PEX11G: variants seen among roughly 807,000 people sequenced by gnomAD.
The protein encoded by PEX11G is peroxisomal biogenesis factor 11 gamma, also known as peroxisomal membrane protein 11C.
A neutral mutation model predicts 22.5 loss-of-function variants in PEX11G; 20 were observed. That is an observed-to-expected ratio of 0.89 (90% CI 0.62 to 1.29). The LOEUF (loss-of-function observed/expected upper bound fraction) is 1.29, where lower values mean the gene tolerates loss of function less well. Ranked by LOEUF, PEX11G falls within the 50% of genes most tolerant of loss-of-function variation. The pLI, the probability that PEX11G is intolerant of heterozygous loss-of-function variation, is 0.00. For missense variants in PEX11G, 347 were observed against 331.3 expected, an observed-to-expected ratio of 1.05 and a Z score of -0.37; for synonymous variants, 141 against 154.5, an observed-to-expected ratio of 0.91 and a Z score of 0.65.
chr19:7,479,194 A>C (rs1015220173), intron 3 of PEX11G, among the ~76,000 whole-genome samples: 7 of 152,182 alleles, frequency 4.6e-5, no homozygotes, highest in African/African-American at 1.4e-4. Flanking sequence ...ACAGAATCAG[A>C]AGCTCTGGGC....
chr19:7,488,945 C>A lies in PEX11G; in HGVS notation c.60+6G>T. 6.4e-7 allele frequency: 1 copy of A among 1,551,598 alleles called. No homozygotes were observed. Among genetic ancestry groups the A allele is most frequent in the Non-Finnish European group, 8.7e-7 (1 of 1,149,046 alleles). ...GACCTCCGGCCCCGGTCCGCCCCTG[C>A]CTCACCAGGCGGTCCCGGCCCCTGT... is the stretch of plus-strand genomic sequence containing the variant. On this transcript the variant is annotated splice_donor_region_variant and intron_variant, in intron 1 of 4. Transcript: ENST00000221480.
upstream of PEX11G, chr19:7,489,353 C>G: frequency 9.1e-7 from 1 of 1,095,166 alleles, no homozygotes; most frequent in Middle Eastern, 4.0e-4. Flanking sequence ...CCAACCTGTT[C>G]GCAGTGGTTC....
intron 4 of PEX11G, among the ~76,000 whole-genome samples, chr19:7,477,805 T>A (rs571898148): frequency 6.6e-6 from 1 of 152,312 alleles, no homozygotes; most frequent in South Asian, 2.1e-4. Flanking sequence ...TTTATCAGGA[T>A]GACACAGTGA....
upstream of PEX11G, among the ~76,000 whole-genome samples, chr19:7,491,274 T>A (rs1038004740): frequency 7.7e-5 from 11 of 142,662 alleles, no homozygotes; most frequent in Admixed American, 1.4e-4. Context: ...TTTTTTTTTT[T>A]TTTTTTTTTT....
intron 1 of PEX11G, among the ~76,000 whole-genome samples, chr19:7,487,045 T>TA (rs199593423): frequency 0.013 from 1,800 of 143,636 alleles, 34 homozygotes; most frequent in African/African-American, 0.044. Context: ...AGACCCTGTC[T>TA]AAAAAAAGAA....
At chr19:7,478,231 C>A (rs1295156157) in intron 4 of PEX11G, 83 bp downstream of exon 4, 6 of 1,447,826 alleles carry the variant, frequency 4.1e-6, no homozygotes, top group Non-Finnish European at 4.7e-6. Flanking sequence ...CCAGCATGGG[C>A]CTGCACAGGG....
chr19:7,478,616 G>A (rs1405566983), intron 3 of PEX11G, among the ~76,000 whole-genome samples: 2 of 152,144 alleles, frequency 1.3e-5, no homozygotes, highest in East Asian at 3.9e-4. Context: ...TGGCCATCCA[G>A]GGCCTGGCCC....
chr19:7,489,581 C>G (rs973399909), upstream of PEX11G: 55 of 848,666 alleles, frequency 6.5e-5, no homozygotes, highest in African/African-American at 8.8e-4. Context: ...TGTTGGACAA[C>G]CATCACCCCT....
At chr19:7,482,337 G>T (rs1977535489) in intron 2 of PEX11G, 126 bp from the exon 3 acceptor site, 1 of 1,125,170 alleles carries the variant, frequency 8.9e-7, no homozygotes, top group Non-Finnish European at 1.2e-6. Flanking sequence ...TCCAGGCCTG[G>T]CAGGCCCCGC....
chr19:7,483,861 G>A (rs746442166), intron 2 of PEX11G, among the ~76,000 whole-genome samples: 16 of 152,262 alleles, frequency 1.1e-4, no homozygotes, highest in Non-Finnish European at 1.9e-4. Context: ...TCATCCCGTG[G>A]GGGGCAAGAT....
chr19:7,493,898 G>C (rs1236722238), upstream of PEX11G, among the ~76,000 whole-genome samples: 4 of 149,962 alleles, frequency 2.7e-5, no homozygotes, highest in East Asian at 2.0e-4. Context: ...TCCCCCAGTG[G>C]GGGGGTCACT....
At chr19:7,482,341 G>A (rs1181294777) in intron 2 of PEX11G, 130 bp from the exon 3 acceptor site, 8 of 1,090,162 alleles carry the variant, frequency 7.3e-6, no homozygotes, top group Middle Eastern at 2.6e-4. Flanking sequence ...GGCCTGGCAG[G>A]CCCCGCGGGA....
At chr19:7,480,179 T>C (rs10426928) in intron 3 of PEX11G, among the ~76,000 whole-genome samples, 63,835 of 150,922 alleles carry the variant, frequency 0.42, 15,197 homozygotes, top group African/African-American at 0.66. Flanking sequence ...GAGGTGGGAG[T>C]ATTGTTTGAG....
At chr19:7,480,152 C>A (rs1161111418) in intron 3 of PEX11G, among the ~76,000 whole-genome samples, 1 of 151,770 alleles carries the variant, frequency 6.6e-6, no homozygotes, top group Admixed American at 6.6e-5. Context: ...CCTGTGGTCC[C>A]AGCCACTCAG....
intron 2 of PEX11G, among the ~76,000 whole-genome samples, chr19:7,485,502 C>G (rs1400771101): frequency 6.6e-6 from 1 of 152,150 alleles, no homozygotes; most frequent in Non-Finnish European, 1.5e-5. Context: ...ACTGCAGGCG[C>G]CTGCAACCAC....
At chr19:7,484,664 G>T (rs1477360921) in intron 2 of PEX11G, among the ~76,000 whole-genome samples, 1 of 151,596 alleles carries the variant, frequency 6.6e-6, no homozygotes, top group African/African-American at 2.4e-5. Flanking sequence ...TCCCAGCTAC[G>T]TGAGGGGCTG....
chr19:7,487,713 C>T (rs7258641), intron 1 of PEX11G, among the ~76,000 whole-genome samples: 2,730 of 152,320 alleles, frequency 0.018, 84 homozygotes, highest in African/African-American at 0.063. Context: ...CGAGCCACCA[C>T]GCCTGGCCTC....
intron 3 of PEX11G, among the ~76,000 whole-genome samples, chr19:7,479,285 A>C (rs888176438): frequency 3.9e-5 from 6 of 152,144 alleles, no homozygotes; most frequent in African/African-American, 1.4e-4. Flanking sequence ...GGAGTTCAAG[A>C]CTAGCCTGGC....
In PEX11G at chr19:7,476,951, T is replaced by G; in HGVS notation, c.*251A>C. The stretch of plus-strand genomic sequence containing the variant: ...ACAGGCCCCCTCTTCCTCATCTTGA[T>G]TTGGATACAAGACGCCAGCTGGCAG... On this transcript the variant is annotated 3_prime_UTR_variant, in exon 5 of 5. Transcript: ENST00000221480. The G allele has an allele frequency of 2.5e-6, 1 of 406,908 alleles. No individual in the cohort carries two copies. The allele number at this position is 406,908 out of a possible 1,614,324, so 25.2% of individuals were successfully genotyped here.
Sources: gnomAD v4.1 joint callset for allele counts (sites outside exome capture counted in the v4.1 genomes callset) on GRCh38, gnomAD v4.1.1 for gene constraint, MANE v1.5 for transcripts, NCBI Gene and HGNC (gene_info 2026-07-23, HGNC 2026-07-21) for gene names.